GFRA1: variants seen among roughly 807,000 people sequenced by gnomAD.
The protein encoded by GFRA1 is GDNF family receptor alpha 1.
Under a neutral mutation model 51.6 loss-of-function variants are expected in GFRA1, and 16 were observed. The ratio of observed to expected loss-of-function variants is 0.31; its 90% CI spans 0.21 to 0.47. The LOEUF is 0.47. Among genes scored for constraint, GFRA1 ranks in the 20% least tolerant of loss-of-function variants. The pLI is 1.00. For missense variants in GFRA1, 530 were observed against 594.3 expected (o/e 0.89, Z 1.13); for synonymous variants, 270 against 241.3 (o/e 1.12, Z -1.10).
chr10:116,244,644 A>T (rs1967720394), intron 4 of GFRA1, among the ~76,000 whole-genome samples: 1 of 151,948 alleles, frequency 6.6e-6, no homozygotes, highest in South Asian at 2.1e-4. Flanking sequence ...CTAGGAGGAC[A>T]GACCTGAACA....
At chr10:116,111,373 T>C (rs964044441) in intron 6 of GFRA1, among the ~76,000 whole-genome samples, 1 of 152,186 alleles carries the variant, frequency 6.6e-6, no homozygotes, top group African/African-American at 2.4e-5. Flanking sequence ...TCAGTATCCT[T>C]TGTGTCTGAA....
chr10:116,226,276 A>G (rs1966288942), intron 4 of GFRA1, among the ~76,000 whole-genome samples: 1 of 152,176 alleles, frequency 6.6e-6, no homozygotes, highest in Non-Finnish European at 1.5e-5. Flanking sequence ...AAATACTGGC[A>G]TGTCCCAAGT....
intron 5 of GFRA1, among the ~76,000 whole-genome samples, chr10:116,189,891 GT>G (rs1035283665): frequency 0.019 from 2,885 of 148,502 alleles, 74 homozygotes; most frequent in African/African-American, 0.066. Context: ...TTAGGCCAGG[GT>G]TTTTTTTTTA....
intron 4 of GFRA1, among the ~76,000 whole-genome samples, chr10:116,236,312 C>T (rs961438354): frequency 3.3e-5 from 5 of 152,114 alleles, no homozygotes; most frequent in African/African-American, 4.8e-5. Flanking sequence ...AACCACAGAA[C>T]TGGAAACAAC....
intron 4 of GFRA1, among the ~76,000 whole-genome samples, chr10:116,259,945 G>T (rs982528663): frequency 2.6e-5 from 4 of 152,172 alleles, no homozygotes; most frequent in Non-Finnish European, 5.9e-5. Context: ...AGGACACACG[G>T]CAGGGGAAGG....
chr10:116,110,986 T>G (rs1957187358), intron 6 of GFRA1, among the ~76,000 whole-genome samples: 1 of 152,090 alleles, frequency 6.6e-6, no homozygotes, highest in Admixed American at 6.5e-5. Flanking sequence ...GTGTGTTTGC[T>G]TGAGTCATCT....
rs199655602 is a variant in GFRA1, at chr10:116,109,386, C to T, written c.771-12622G>A. Among the ~76,000 whole-genome samples the T allele has an allele frequency of 9.2e-5, 14 of 152,248 alleles. No individual in the cohort carries two copies. The East Asian group carries it at 2.3e-3, about 25-fold the overall frequency. ...AGGTGGATATGTGATCTTTACTAGGCCCAATAAAAGAATGACAGAATTAGT... is the reference window on the plus strand; with the variant it reads ...AGGTGGATATGTGATCTTTACTAGGTCCAATAAAAGAATGACAGAATTAGT... On this transcript the variant is annotated intron_variant, in intron 6 of 10. Transcript: ENST00000355422.
rs1954842138 is a variant in GFRA1 at position 116,062,018 on chromosome 10, A to C, written c.*2380T>G. The C allele has an allele frequency of 5.0e-6, 2 of 398,638 alleles. No homozygotes were observed. Among genetic ancestry groups the C allele is most frequent in the Non-Finnish European group, 8.8e-6 (2 of 226,052 alleles). 24.7% of individuals were successfully genotyped at this position (398,638 alleles called of 1,614,324 possible). ...TTGAATATGCTTTTATCACTGAAGA[A>C]AAATGAGATATTTGTTGGTGACAGA... On this transcript the variant is annotated 3_prime_UTR_variant, in exon 11 of 11. Coordinates refer to ENST00000355422, the MANE Select transcript of GFRA1 (RefSeq NM_005264.8).
intron 5 of GFRA1, among the ~76,000 whole-genome samples, chr10:116,183,649 T>C (rs1311123543): frequency 6.6e-6 from 1 of 152,152 alleles, no homozygotes; most frequent in Non-Finnish European, 1.5e-5. Context: ...AGAAAGGCCC[T>C]GGGCTCTGGC....
Position 116,093,748 on chromosome 10 carries a change from T to C in GFRA1, c.969A>G (p.Glu323=), listed in dbSNP as rs1461135870. Reference sequence around the variant, plus strand: ...AGAAATTCAAAAATTTCAAGCACTCTTCTAGGTCGTTCCCACTGTTGCTGC... The same window carrying C: ...AGAAATTCAAAAATTTCAAGCACTCCTCTAGGTCGTTCCCACTGTTGCTGC... ...CDCSNSGNDL[E]ECLKFLNFFK... The change falls in exon 8 of 11, where the codon GAA becomes GAG. Residue 323 remains glutamate, a synonymous_variant. Coordinates refer to ENST00000355422, the MANE Select transcript of GFRA1 (RefSeq NM_005264.8). The C allele has an allele frequency of 6.2e-7, 1 of 1,613,820 alleles. No individual in the cohort carries two copies. Among genetic ancestry groups the C allele is most frequent in the Non-Finnish European group, 8.5e-7 (1 of 1,179,688 alleles).
At chr10:116,244,453 T>TTATTTCATTTAATGTTAATTAA (rs1565676191) in intron 4 of GFRA1, among the ~76,000 whole-genome samples, 8 of 146,598 alleles carry the variant, frequency 5.5e-5, no homozygotes, top group African/African-American at 1.7e-4. Context: ...AAATTTAATT[T>TTATTTCATTTAATGTTAATTAA]AATTTAATTT....
rs768981272 is a variant in GFRA1, at chr10:116,096,614, A to C, written c.880+41T>G. On this transcript the variant is annotated intron_variant, in intron 7 of 10. Transcript: ENST00000355422. Reference sequence around the variant, plus strand: ...CAATGGAAAGAACGCAGGTATATGCAAACCACACTCTTCTCCCATCCTGCT... The same window carrying C: ...CAATGGAAAGAACGCAGGTATATGCCAACCACACTCTTCTCCCATCCTGCT... 2.7e-6 allele frequency: 3 copies of C among 1,131,534 alleles called. No individual in the cohort carries two copies. In the Admixed American group the frequency reaches 5.2e-5, roughly 20 times the overall value. 70.1% of individuals were successfully genotyped at this position (1,131,534 alleles called of 1,614,324 possible). A position where few individuals can be genotyped will look rare whatever the true frequency, so the allele number is the denominator to read the frequency against.
At chr10:116,164,619 T>C (rs1033468839) in intron 5 of GFRA1, among the ~76,000 whole-genome samples, 1 of 152,242 alleles carries the variant, frequency 6.6e-6, no homozygotes, top group Non-Finnish European at 1.5e-5. Flanking sequence ...TGTTGGGTCT[T>C]TTAATGCCAG....
At chr10:116,112,453 C>A (rs1957249977) in intron 6 of GFRA1, among the ~76,000 whole-genome samples, 1 of 152,152 alleles carries the variant, frequency 6.6e-6, no homozygotes, top group African/African-American at 2.4e-5. Flanking sequence ...AGGGGGGCTG[C>A]CCCTGAGATG....
At chr10:116,071,973 G>C (rs914014695) in intron 9 of GFRA1, among the ~76,000 whole-genome samples, 2 of 151,578 alleles carry the variant, frequency 1.3e-5, no homozygotes, top group Admixed American at 1.3e-4. Flanking sequence ...CAGGAGTGAC[G>C]TTTGACACCC....
chr10:116,106,830 G>A (rs910111215), intron 6 of GFRA1, among the ~76,000 whole-genome samples: 5 of 152,122 alleles, frequency 3.3e-5, no homozygotes, highest in African/African-American at 1.2e-4. Flanking sequence ...GGGACACAGG[G>A]ACAGATCCCT....
chr10:116,105,138 G>A (rs1565578507), intron 6 of GFRA1, among the ~76,000 whole-genome samples: 2 of 152,208 alleles, frequency 1.3e-5, no homozygotes, highest in Non-Finnish European at 2.9e-5. Flanking sequence ...AAAAGAAATG[G>A]AAAGTTTTGT....
At chr10:116,080,659 G>C (rs1354288725) in intron 9 of GFRA1, among the ~76,000 whole-genome samples, 1 of 152,148 alleles carries the variant, frequency 6.6e-6, no homozygotes, top group African/African-American at 2.4e-5. Flanking sequence ...GGAATTTCTT[G>C]AGTGCCTGTT....
chr10:116,185,690 G>T (rs1053272330), intron 5 of GFRA1, among the ~76,000 whole-genome samples: 2 of 152,140 alleles, frequency 1.3e-5, no homozygotes, highest in African/African-American at 2.4e-5. Context: ...CCCATGCGTG[G>T]CTTCTCCCCC....
Sources: gnomAD v4.1 joint callset for allele counts (sites outside exome capture counted in the v4.1 genomes callset) on GRCh38, gnomAD v4.1.1 for gene constraint, MANE v1.5 for transcripts, NCBI Gene and HGNC (gene_info 2026-07-23, HGNC 2026-07-21) for gene names.